Variants in TAF3 observed in about 807,000 individuals in gnomAD.
TAF3 encodes TATA-box binding protein associated factor 3.
TAF3 carries 7 observed loss-of-function variants against 80.6 expected under a neutral mutation model. The observed-to-expected ratio is 0.09, with a 90% CI of 0.05 to 0.16. TAF3 has a LOEUF of 0.16. TAF3 is among the 10% of genes least tolerant of loss of function. The pLI is 1.00. For missense variants in TAF3, 921 were observed against 1,140.2 expected (o/e 0.81, Z 2.77); for synonymous variants, 444 against 446.1 (o/e 1.00, Z 0.06).
At chr10:7,933,457 G>C (rs1837888200) in intron 2 of TAF3, among the ~76,000 whole-genome samples, 1 of 152,146 alleles carries the variant, frequency 6.6e-6, no homozygotes, top group Non-Finnish European at 1.5e-5. Flanking sequence ...CACTTCACTT[G>C]GGCTATTGGA....
At chr10:7,981,370 A>T (rs1831724131) in intron 4 of TAF3, among the ~76,000 whole-genome samples, 1 of 152,146 alleles carries the variant, frequency 6.6e-6, no homozygotes, top group African/African-American at 2.4e-5. Flanking sequence ...TGCCTTTATC[A>T]GCAAGCACCA....
At chr10:7,832,410 AT>A (rs889994097) in intron 2 of TAF3, among the ~76,000 whole-genome samples, 2 of 152,158 alleles carry the variant, frequency 1.3e-5, no homozygotes, top group African/African-American at 4.8e-5. Context: ...ATACTTTTTA[AT>A]TTTTATGGGT....
In TAF3 at chr10:8,014,600, A is replaced by T. The variant is rs764253634; in HGVS notation, c.2676-37A>T. 3.8e-6 allele frequency: 6 copies of T among 1,566,226 alleles called. No homozygotes were observed. The South Asian group carries it at 5.8e-5, about 15-fold the overall frequency. ...GGAAGGGAGAAGAATAGATGTCTGT[A>T]TAAAAGTTGCTTATCTGAGCTTGTT... On this transcript the variant is annotated intron_variant, in intron 6 of 6. Transcript: ENST00000344293.
intron 2 of TAF3, among the ~76,000 whole-genome samples, chr10:7,926,902 G>A (rs1170808016): frequency 2.0e-5 from 3 of 152,154 alleles, no homozygotes; most frequent in African/African-American, 4.8e-5. Flanking sequence ...TCAGAGAGAA[G>A]AGTATTTTAC....
At chr10:7,992,068 C>T (rs1195226652) in intron 4 of TAF3, among the ~76,000 whole-genome samples, 1 of 152,170 alleles carries the variant, frequency 6.6e-6, no homozygotes. Context: ...AATTACCCAT[C>T]CTCCTCTATA....
intron 3 of TAF3, among the ~76,000 whole-genome samples, chr10:7,968,366 C>T (rs1831592406): frequency 6.6e-6 from 1 of 152,132 alleles, no homozygotes. Flanking sequence ...ATTTATTTTA[C>T]CTGCTTATAA....
At position 8,009,429 on chromosome 10, in the gene TAF3, C is replaced by T; in HGVS notation, c.2568+99C>T. ...ATCGAATTTCAGACGCATTTCTCTT[C>T]AAAATTTTATTATTTACTTAATTAT... On this transcript the variant is annotated intron_variant, in intron 5 of 6. Transcript: ENST00000344293. This position sits in a 1 kb window ranked among gnomAD's most constrained non-coding sequence, Gnocchi z 4.1. The T allele has an allele frequency of 1.4e-6, 2 of 1,408,606 alleles. No homozygotes were observed. Among genetic ancestry groups the T allele is most frequent in the Admixed American group, 2.6e-5 (1 of 38,882 alleles). 87.3% of individuals were successfully genotyped at this position (1,408,606 alleles called of 1,614,324 possible).
At position 7,973,868 on chromosome 10, in the gene TAF3, G is replaced by T. The variant is rs573138551; in HGVS notation, c.2233-3373G>T. 5.3e-5 allele frequency among the ~76,000 whole-genome samples: 8 copies of T among 152,158 alleles called. No homozygotes were observed. In the South Asian group the frequency reaches 1.7e-3, roughly 32 times the overall value. ...GAGACAGCCAGGCACGGTGGCTCAC[G>T]CCTGTTATCCCAGCACTTTGGGAGG... is the stretch of plus-strand genomic sequence containing the variant. On this transcript the variant is annotated intron_variant, in intron 3 of 6. Transcript: ENST00000344293.
intron 2 of TAF3, among the ~76,000 whole-genome samples, chr10:7,890,561 T>G (rs1032346387): frequency 1.3e-5 from 2 of 152,240 alleles, no homozygotes; most frequent in Admixed American, 1.3e-4. Context: ...TCATCTATCT[T>G]TTCAGTACAG....
chr10:7,857,059 AC>A (rs1426159498), intron 2 of TAF3, among the ~76,000 whole-genome samples: 1 of 152,228 alleles, frequency 6.6e-6, no homozygotes, highest in Non-Finnish European at 1.5e-5. Flanking sequence ...CACTGTTACA[AC>A]TGACAGATGA....
chr10:7,979,847 CAG>C (rs1285780671), intron 4 of TAF3, among the ~76,000 whole-genome samples: 4 of 151,974 alleles, frequency 2.6e-5, no homozygotes, highest in Non-Finnish European at 5.9e-5. Context: ...GGTTCTAAAT[CAG>C]GGGTCAGCAA....
chr10:7,880,695 C>G (rs1189827093), intron 2 of TAF3, among the ~76,000 whole-genome samples: 1 of 152,056 alleles, frequency 6.6e-6, no homozygotes, highest in Non-Finnish European at 1.5e-5. Flanking sequence ...AGTCCCTCAT[C>G]TAGGTGGATT....
chr10:7,830,145 C>T (rs1836783928), intron 2 of TAF3, among the ~76,000 whole-genome samples: 3 of 152,046 alleles, frequency 2.0e-5, no homozygotes, highest in Admixed American at 2.0e-4. Context: ...CACTTCAGTA[C>T]CTGCCATTTC....
chr10:7,943,904 A>C (rs187764831), intron 2 of TAF3, among the ~76,000 whole-genome samples: 43 of 152,326 alleles, frequency 2.8e-4, no homozygotes, highest in African/African-American at 9.9e-4. Flanking sequence ...CAATTTCTAA[A>C]AAATCATTAC....
intron 2 of TAF3, among the ~76,000 whole-genome samples, chr10:7,846,292 A>C (rs1836972205): frequency 6.6e-6 from 1 of 152,092 alleles, no homozygotes; most frequent in African/African-American, 2.4e-5. Context: ...TTTTTGATAA[A>C]ATTTCTTCAA....
At chr10:7,959,584 G>GT (rs200035612) in intron 2 of TAF3, among the ~76,000 whole-genome samples, 3 of 151,984 alleles carry the variant, frequency 2.0e-5, no homozygotes, top group Admixed American at 6.5e-5. Flanking sequence ...TTAATGTTAA[G>GT]TTTTTTTTAC....
intron 4 of TAF3, among the ~76,000 whole-genome samples, chr10:8,002,143 G>C (rs1342911214): frequency 6.6e-6 from 1 of 152,058 alleles, no homozygotes; most frequent in Non-Finnish European, 1.5e-5. Flanking sequence ...ATCATCCTCT[G>C]TTCTCTCTCT....
chr10:7,877,987 C>T (rs1032078827), intron 2 of TAF3, among the ~76,000 whole-genome samples: 6 of 152,172 alleles, frequency 3.9e-5, no homozygotes, highest in South Asian at 2.1e-4. Context: ...TTTGAGTAGA[C>T]GCGTACTTTG....
At position 7,948,323 on chromosome 10, in the gene TAF3, A is replaced by G. The variant is rs118131337; in HGVS notation, c.410-15597A>G. Reference sequence around the variant, plus strand: ...AGGCTGGTCTTGAACTCCCAGCTTCAAGCAGTCCTCCTGCCTCAGCCTCTT... The same window carrying G: ...AGGCTGGTCTTGAACTCCCAGCTTCGAGCAGTCCTCCTGCCTCAGCCTCTT... On this transcript the variant is annotated intron_variant, in intron 2 of 6. Coordinates refer to ENST00000344293, the MANE Select transcript of TAF3 (RefSeq NM_031923.4). 9.4e-3 allele frequency among the ~76,000 whole-genome samples: 1,418 copies of G among 150,772 alleles called. 4 individuals are homozygous for G. The highest frequency in any genetic ancestry group is 0.014 in the Non-Finnish European group (928 of 67,812).
Sources: gnomAD v4.1 joint callset for allele counts (sites outside exome capture counted in the v4.1 genomes callset) on GRCh38, gnomAD v4.1.1 for gene constraint, Gnocchi (gnomAD v3.1) non-coding constraint, MANE v1.5 for transcripts, NCBI Gene and HGNC (gene_info 2026-07-23, HGNC 2026-07-21) for gene names.